Variants in SNX10 observed in about 807,000 individuals in gnomAD.
SNX10 encodes the protein sorting nexin-10.
SNX10 carries 25 observed loss-of-function variants against 28.5 expected under a neutral mutation model. That is an observed-to-expected ratio of 0.88 (90% CI 0.64 to 1.22). The LOEUF (loss-of-function observed/expected upper bound fraction) is 1.22. SNX10 is among the 50% of genes most tolerant of loss of function. The probability of loss-of-function intolerance (pLI) is 0.00; values close to 1 mark genes in which losing one functional copy is unlikely to be tolerated. For missense variants in SNX10, 223 were observed against 242.6 expected, an observed-to-expected ratio of 0.92 and a Z score of 0.54; for synonymous variants, 62 against 81.4, an observed-to-expected ratio of 0.76 and a Z score of 1.28.
intron 5 of SNX10, 36 bp from the exon 6 acceptor site, chr7:26,371,785 G>A: frequency 6.8e-7 from 1 of 1,460,540 alleles, no homozygotes. Flanking sequence ...TGACCATCCT[G>A]TTCACCAATT....
intron 1 of SNX10, among the ~76,000 whole-genome samples, chr7:26,335,892 C>T (rs1407402327): frequency 6.6e-6 from 1 of 150,964 alleles, no homozygotes; most frequent in Non-Finnish European, 1.5e-5. Flanking sequence ...TACAGGCGCC[C>T]GCCACTGCGC....
chr7:26,350,017 C>T (rs1788535792), intron 2 of SNX10, among the ~76,000 whole-genome samples: 1 of 152,192 alleles, frequency 6.6e-6, no homozygotes, highest in Admixed American at 6.5e-5. Context: ...TAGACTGTTC[C>T]TCCCTGTGTG....
intron 1 of SNX10, among the ~76,000 whole-genome samples, chr7:26,341,744 C>A (rs1788184589): frequency 6.6e-6 from 1 of 152,112 alleles, no homozygotes; most frequent in African/African-American, 2.4e-5. Flanking sequence ...TTCAGCCTCC[C>A]AAAGTGCTGG....
At chr7:26,333,510 G>T (rs949815461) in intron 1 of SNX10, among the ~76,000 whole-genome samples, 1 of 151,294 alleles carries the variant, frequency 6.6e-6, no homozygotes, top group African/African-American at 2.4e-5. Flanking sequence ...ATTTTTAGTA[G>T]AGATGGGGTT....
At chr7:26,299,693 G>T in intron 1 of SNX10, among the ~76,000 whole-genome samples, 1 of 151,924 alleles carries the variant, frequency 6.6e-6, no homozygotes, top group East Asian at 1.9e-4. Context: ...CAAACTGCTG[G>T]GATTACAGGT....
At chr7:26,331,240 T>C (rs930091710) in intron 1 of SNX10, among the ~76,000 whole-genome samples, 2 of 152,086 alleles carry the variant, frequency 1.3e-5, no homozygotes, top group Admixed American at 1.3e-4. Flanking sequence ...AGCATGTTTT[T>C]AAAACAGCTT....
intron 1 of SNX10, among the ~76,000 whole-genome samples, chr7:26,292,376 G>A (rs947277317): frequency 6.6e-6 from 1 of 152,208 alleles, no homozygotes; most frequent in African/African-American, 2.4e-5. Context: ...TGGGGCAGAG[G>A]TGGATTCTAG....
chr7:26,318,789 T>C (rs1044552669), intron 1 of SNX10, among the ~76,000 whole-genome samples: 5 of 152,196 alleles, frequency 3.3e-5, no homozygotes, highest in Non-Finnish European at 1.5e-5. Flanking sequence ...ATTTTTCTTG[T>C]ATACTTAATT....
intron 2 of SNX10, chr7:26,357,271 T>C (rs1170490626): frequency 1.3e-5 from 2 of 148,980 alleles, no homozygotes; most frequent in Admixed American, 1.4e-4. Context: ...GGTGACCGAG[T>C]TGCATTTGAA....
intron 1 of SNX10, among the ~76,000 whole-genome samples, chr7:26,323,782 AC>A (rs1278679802): frequency 6.6e-6 from 1 of 152,174 alleles, no homozygotes; most frequent in African/African-American, 2.4e-5. Context: ...CATGGTGGTA[AC>A]CAGGAGTAGG....
At chr7:26,337,803 C>T (rs1231975025) in intron 1 of SNX10, among the ~76,000 whole-genome samples, 1 of 152,202 alleles carries the variant, frequency 6.6e-6, no homozygotes. Flanking sequence ...TGAGAGCCTG[C>T]TTTCAGCTCT....
rs746051800 is a variant in SNX10, at chr7:26,361,053, T to A, written c.103T>A (p.Cys35Ser). ...GCATTCTTACATTGACTATGAGATA[T>A]GTATTCATGTAAGTATGTAGTCAGT... is the stretch of plus-strand genomic sequence containing the variant. The part of the protein sequence containing the change: ...FWHSYIDYEI[C>S]IHTNSMCFTM... Residue 35 changes from cysteine (C) to serine (S), a missense_variant, in exon 3 of 7, where the codon TGT becomes AGT. Physicochemically the swap from Cys to Ser is moderately radical, Grantham distance 112. Coordinates refer to ENST00000338523, the MANE Select transcript of SNX10 (RefSeq NM_013322.3). 1.9e-6 allele frequency: 3 copies of A among 1,596,962 alleles called. No individual in the cohort carries two copies. Among genetic ancestry groups the A allele is most frequent in the Non-Finnish European group, 2.6e-6 (3 of 1,166,512 alleles).
At chr7:26,328,383 A>C (rs1273435093) in intron 1 of SNX10, among the ~76,000 whole-genome samples, 1 of 152,256 alleles carries the variant, frequency 6.6e-6, no homozygotes, top group East Asian at 1.9e-4. Flanking sequence ...TCATGTGTCT[A>C]CCAGCCTGGT....
chr7:26,353,576 C>T (rs1002530484), intron 2 of SNX10, among the ~76,000 whole-genome samples: 3 of 151,808 alleles, frequency 2.0e-5, no homozygotes, highest in Admixed American at 6.6e-5. Context: ...CTCAGCCTCC[C>T]GAGTAGCTGG....
chr7:26,318,667 TTGCCATGTTGCCCAGGC>T (rs920697312), intron 1 of SNX10, among the ~76,000 whole-genome samples: 8 of 152,310 alleles, frequency 5.3e-5, no homozygotes, highest in African/African-American at 1.9e-4. Flanking sequence ...ACATGGGGTT[TTGCCATGTTGCCCAGGC>T]TGCTTTCGAA....
In SNX10 at chr7:26,346,406, A is replaced by G; in HGVS notation, c.-23-14A>G. On this transcript the variant is annotated splice_polypyrimidine_tract_variant and intron_variant, in intron 1 of 6. Transcript: ENST00000338523. ...AGGTTCCAAATGACCCAGTGTGGAT[A>G]TCTTATTTTTCAGATTGATCGTGTC... 1 of 1,575,724 alleles carries G rather than the reference A, an allele frequency of 6.3e-7. No homozygotes were observed. The highest frequency in any genetic ancestry group is 1.1e-5 in the South Asian group (1 of 90,282).
At chr7:26,315,075 A>G (rs1238346716) in intron 1 of SNX10, among the ~76,000 whole-genome samples, 1 of 152,186 alleles carries the variant, frequency 6.6e-6, no homozygotes, top group Admixed American at 6.5e-5. Flanking sequence ...AATAGAAGCC[A>G]TATGTAGTGA....
chr7:26,368,757 C>T (rs1789391305), intron 5 of SNX10, among the ~76,000 whole-genome samples: 1 of 152,166 alleles, frequency 6.6e-6, no homozygotes, highest in Admixed American at 6.5e-5. Flanking sequence ...CAGCATAGAT[C>T]ATGAATGTCT....
Position 26,348,520 on chromosome 7 carries a change from A to G in SNX10, c.24+2054A>G, listed in dbSNP as rs1788476153. ...GCAAGAGCTGGACGCATGGGCAGTC[A>G]GGTGGGGTCCAAGGACAGAGCTTCT... On this transcript the variant is annotated intron_variant, in intron 2 of 6. Coordinates refer to ENST00000338523, the MANE Select transcript of SNX10 (RefSeq NM_013322.3). Among the ~76,000 whole-genome samples, 4 of 152,254 alleles carry G rather than the reference A, an allele frequency of 2.6e-5. No individual in the cohort carries two copies. In the South Asian group the frequency reaches 8.3e-4, roughly 32 times the overall value.
Sources: allele counts gnomAD v4.1 joint callset (sites outside exome capture counted in the v4.1 genomes callset), GRCh38; gene constraint gnomAD v4.1.1; transcripts MANE v1.5; gene names NCBI Gene and HGNC (gene_info 2026-07-23, HGNC 2026-07-21).